Variants in ADAMTS17 observed in about 807,000 individuals in gnomAD.
ADAMTS17 encodes A disintegrin and metalloproteinase with thrombospondin motifs 17.
ADAMTS17 carries 113 observed loss-of-function variants against 141.5 expected under a neutral mutation model. The observed-to-expected ratio is 0.80, with a 90% CI of 0.69 to 0.93. ADAMTS17 has a LOEUF of 0.93. ADAMTS17 is among the 40% of genes least tolerant of loss of function. The probability of loss-of-function intolerance (pLI) is 0.00; values close to 1 mark genes in which losing one functional copy is unlikely to be tolerated. For missense variants in ADAMTS17, 1,659 were observed against 1,517.9 expected, an observed-to-expected ratio of 1.09 and a Z score of -1.54; for synonymous variants, 768 against 630.6, an observed-to-expected ratio of 1.22 and a Z score of -3.27.
At chr15:100,057,916 T>A (rs910133098) in intron 15 of ADAMTS17, among the ~76,000 whole-genome samples, 5 of 152,082 alleles carry the variant, frequency 3.3e-5, no homozygotes, top group Non-Finnish European at 5.9e-5. Context: ...GCTCAGCAAC[T>A]GAGAGCTGGG....
intron 4 of ADAMTS17, among the ~76,000 whole-genome samples, chr15:100,271,214 A>G (rs907278106): frequency 2.0e-5 from 3 of 152,206 alleles, no homozygotes; most frequent in Non-Finnish European, 4.4e-5. Context: ...ACATTGGTGT[A>G]TAAATATCTG....
chr15:100,060,583 C>G (rs2033039693), intron 15 of ADAMTS17, among the ~76,000 whole-genome samples: 1 of 152,226 alleles, frequency 6.6e-6, no homozygotes, highest in Non-Finnish European at 1.5e-5. Context: ...TGGAGCTGCA[C>G]AGAAGCCCGA....
intron 7 of ADAMTS17, among the ~76,000 whole-genome samples, chr15:100,247,511 C>A (rs2043024757): frequency 6.6e-6 from 1 of 152,206 alleles, no homozygotes; most frequent in South Asian, 2.1e-4. Flanking sequence ...GGGCTCTACA[C>A]ACCAACCAGT....
intron 18 of ADAMTS17, among the ~76,000 whole-genome samples, chr15:100,014,054 A>G (rs1596230854): frequency 6.6e-6 from 1 of 152,096 alleles, no homozygotes; most frequent in African/African-American, 2.4e-5. Flanking sequence ...TACCATTTCA[A>G]TCTCGCTGCT....
intron 6 of ADAMTS17, among the ~76,000 whole-genome samples, chr15:100,258,883 T>C (rs2043421378): frequency 6.6e-6 from 1 of 152,224 alleles, no homozygotes; most frequent in East Asian, 1.9e-4. Context: ...TGACTGCTGA[T>C]GTCTCCTTGT....
At chr15:100,090,875 G>A (rs1444388472) in intron 15 of ADAMTS17, among the ~76,000 whole-genome samples, 2 of 151,828 alleles carry the variant, frequency 1.3e-5, no homozygotes, top group Non-Finnish European at 2.9e-5. Context: ...AGGTTTGGTG[G>A]TGCATGCCAG....
intron 3 of ADAMTS17, among the ~76,000 whole-genome samples, chr15:100,312,235 G>C (rs1253658402): frequency 6.6e-6 from 1 of 152,224 alleles, no homozygotes; most frequent in African/African-American, 2.4e-5. Flanking sequence ...CTTTAGATGA[G>C]GGAGGCAGAG....
At position 100,281,283 on chromosome 15, in the gene ADAMTS17, C is replaced by T. The variant is rs539935269; in HGVS notation, c.735G>A (p.Val245=). The T allele has an allele frequency of 3.7e-6, 6 of 1,608,712 alleles. No homozygotes were observed. The East Asian group carries it at 1.3e-4, about 36-fold the overall frequency. The change falls in exon 4 of 22, where the codon GTG becomes GTA. Residue 245 remains valine (V), a synonymous_variant. Coordinates refer to ENST00000268070, the MANE Select transcript of ADAMTS17 (RefSeq NM_139057.4). ...ETLVVADADM[V]QYHGAEAAQR... ...GGGCGGCCTCGGCCCCGTGGTACTG[C>T]ACCATGTCGGCGTCGGCCACCACCA... is the stretch of plus-strand genomic sequence containing the variant.
intron 18 of ADAMTS17, among the ~76,000 whole-genome samples, chr15:99,999,284 A>G (rs1445899939): frequency 1.3e-5 from 2 of 152,196 alleles, no homozygotes; most frequent in African/African-American, 4.8e-5. Context: ...AATATACTAA[A>G]TGAGATTAGA....
chr15:100,081,401 T>C (rs2034726339), intron 15 of ADAMTS17, among the ~76,000 whole-genome samples: 1 of 152,176 alleles, frequency 6.6e-6, no homozygotes, highest in Admixed American at 6.5e-5. Context: ...TAAACTCCCA[T>C]ATATATGTAT....
At position 100,048,870 on chromosome 15, in the gene ADAMTS17, G is replaced by T. The variant is rs1215456338; in HGVS notation, c.2578C>A (p.Pro860Thr). ...EPQVRRCNLH[P>T]CQSRWVAGPW... ...CCAGCTTCTTACCGTGACTGGCAGG[G>T]GTGCAAGTTGCACCTTCGGACCTGG... Residue 860 changes from proline to threonine, a missense_variant, in exon 18 of 22, where the codon CCC becomes ACC. Physicochemically the swap from Pro to Thr is conservative, Grantham distance 38. Coordinates refer to ENST00000268070, the MANE Select transcript of ADAMTS17 (RefSeq NM_139057.4). The T allele has an allele frequency of 6.2e-7, 1 of 1,614,152 alleles. No homozygotes were observed. Among genetic ancestry groups the T allele is most frequent in the Non-Finnish European group, 8.5e-7 (1 of 1,180,030 alleles).
intron 8 of ADAMTS17, among the ~76,000 whole-genome samples, chr15:100,193,937 C>G (rs2041016759): frequency 6.6e-6 from 1 of 152,222 alleles, no homozygotes; most frequent in Non-Finnish European, 1.5e-5. Context: ...GCCACTTGGG[C>G]TGGAGACCTC....
rs141342509 is a variant in ADAMTS17, at chr15:100,325,097, G to A, written c.616+5792C>T. Among the ~76,000 whole-genome samples the A allele has an allele frequency of 3.5e-4, 54 of 152,194 alleles. No individual in the cohort carries two copies. The South Asian group carries it at 6.8e-3, about 19-fold the overall frequency. On this transcript the variant is annotated intron_variant, in intron 3 of 21. Coordinates refer to ENST00000268070, the MANE Select transcript of ADAMTS17 (RefSeq NM_139057.4). The stretch of plus-strand genomic sequence containing the variant: ...ACCTTTTAGACATTTATGACGGTTC[G>A]CTTGAACATGCCCTCCAGAGTGGCT...
chr15:100,101,796 AGT>A (rs1567175043), intron 14 of ADAMTS17, among the ~76,000 whole-genome samples: 33 of 152,354 alleles, frequency 2.2e-4, no homozygotes, highest in African/African-American at 7.9e-4. Context: ...TGGAATAAGC[AGT>A]ACTTGCTTTC....
intron 4 of ADAMTS17, among the ~76,000 whole-genome samples, chr15:100,262,970 T>A (rs1596389191): frequency 6.6e-6 from 1 of 152,064 alleles, no homozygotes; most frequent in East Asian, 1.9e-4. Flanking sequence ...AAAATGTATA[T>A]AAGAGAAACC....
chr15:100,327,889 C>G lies in ADAMTS17; in HGVS notation c.616+3000G>C, dbSNP rs149060911. ...GTATCCAAGGGAAAGAAACAGTTCC[C>G]AGATGGCCTTTGCCGTGTCAGTCCT... On this transcript the variant is annotated intron_variant, in intron 3 of 21. Coordinates refer to ENST00000268070, the MANE Select transcript of ADAMTS17 (RefSeq NM_139057.4). Among the ~76,000 whole-genome samples the G allele has an allele frequency of 6.9e-3, 1,058 of 152,286 alleles. 14 individuals are homozygous for G. The highest frequency in any genetic ancestry group is 0.024 in the African/African-American group (1,001 of 41,536).
At chr15:100,137,721 A>G (rs2038406801) in intron 10 of ADAMTS17, among the ~76,000 whole-genome samples, 1 of 152,218 alleles carries the variant, frequency 6.6e-6, no homozygotes, top group African/African-American at 2.4e-5. Context: ...CTTTATACAT[A>G]TACACTACTG....
intron 7 of ADAMTS17, among the ~76,000 whole-genome samples, chr15:100,231,335 G>A (rs2042474593): frequency 6.6e-6 from 1 of 152,162 alleles, no homozygotes; most frequent in African/African-American, 2.4e-5. Context: ...TGACCCCTAT[G>A]TCTAACTCTC....
intron 9 of ADAMTS17, among the ~76,000 whole-genome samples, chr15:100,153,426 A>G (rs2141361377): frequency 6.6e-6 from 1 of 151,950 alleles, no homozygotes; most frequent in Non-Finnish European, 1.5e-5. Flanking sequence ...GGATCACTTG[A>G]GGTCAGGAGT....
Sources: gnomAD v4.1 joint callset for allele counts (sites outside exome capture counted in the v4.1 genomes callset) on GRCh38, gnomAD v4.1.1 for gene constraint, MANE v1.5 for transcripts, NCBI Gene and HGNC (gene_info 2026-07-23, HGNC 2026-07-21) for gene names.